ACLY: variants seen among roughly 807,000 people sequenced by gnomAD.
The protein encoded by ACLY is ATP citrate lyase.
In ACLY, 41 loss-of-function variants were observed where a neutral mutation model predicts 133.0. The ratio of observed to expected loss-of-function variants is 0.31; its 90% CI spans 0.24 to 0.40. The LOEUF is 0.40. ACLY is among the 10% of genes least tolerant of loss of function. The pLI is 1.00. For synonymous variants in ACLY, 495 were observed against 549.3 expected, an observed-to-expected ratio of 0.90 and a Z score of 1.38; for missense variants, 1,046 against 1,453.8, an observed-to-expected ratio of 0.72 and a Z score of 4.56.
At position 41,893,214 on chromosome 17, in the gene ACLY, A is replaced by C. The variant is rs543221363; in HGVS notation, c.1460-40T>G. The C allele has an allele frequency of 1.5e-5, 24 of 1,582,814 alleles. No individual in the cohort carries two copies. In the South Asian group the frequency reaches 2.1e-4, roughly 14 times the overall value. On this transcript the variant is annotated intron_variant, in intron 14 of 28. Transcript: ENST00000352035. ...CACAGAGAGTGCACCCAGAACACAT[A>C]CCCCCAGGAGACCTGCAGGGGCCAG...
chr17:41,911,356 C>A (rs1396417013), intron 3 of ACLY, among the ~76,000 whole-genome samples: 3 of 152,206 alleles, frequency 2.0e-5, no homozygotes, highest in Non-Finnish European at 4.4e-5. Context: ...ACATTCTTCC[C>A]AGGCTAGGCC....
At chr17:41,883,028 G>A in intron 20 of ACLY, 94 bp downstream of exon 20, 2 of 1,028,044 alleles carry the variant, frequency 1.9e-6, no homozygotes, top group Non-Finnish European at 1.4e-6. Context: ...GAAGGAACTA[G>A]CTGCGAATTA....
upstream of ACLY, chr17:41,918,981 G>C (rs1306074412): frequency 2.3e-6 from 3 of 1,287,668 alleles, no homozygotes; most frequent in African/African-American, 3.0e-5. Context: ...TCCGGCTTTT[G>C]TCCCGGCCCA....
At chr17:41,877,896 T>C (rs2048804901) in intron 22 of ACLY, among the ~76,000 whole-genome samples, 1 of 152,184 alleles carries the variant, frequency 6.6e-6, no homozygotes, top group Non-Finnish European at 1.5e-5. Flanking sequence ...AGACAGCCTA[T>C]TGTGGTACCT....
chr17:41,888,714 G>A (rs986761177), intron 16 of ACLY, among the ~76,000 whole-genome samples: 2 of 152,084 alleles, frequency 1.3e-5, no homozygotes, highest in Non-Finnish European at 1.5e-5. Flanking sequence ...AGGGAGACCC[G>A]GTAGGAGGAT....
intron 10 of ACLY, 34 bp downstream of exon 10, chr17:41,904,695 T>G (rs952137891): frequency 6.2e-7 from 1 of 1,606,892 alleles, no homozygotes; most frequent in Non-Finnish European, 8.5e-7. Context: ...CAAACCACTT[T>G]CCCCAGAAAC....
At chr17:41,917,898 A>G (rs2050093957) in intron 1 of ACLY, among the ~76,000 whole-genome samples, 1 of 152,152 alleles carries the variant, frequency 6.6e-6, no homozygotes, top group South Asian at 2.1e-4. Flanking sequence ...CCCACATTTT[A>G]GTTCAGCTGA....
At position 41,867,273 on chromosome 17, in the gene ACLY, A is replaced by T. The variant is rs575511093; in HGVS notation, c.*537T>A. The T allele has an allele frequency of 6.5e-6, 1 of 152,732 alleles. No individual in the cohort carries two copies. The highest frequency in any genetic ancestry group is 1.9e-4 in the East Asian group (1 of 5,194). The allele number at this position is 152,732 out of a possible 1,614,324, so 9.5% of individuals were successfully genotyped here. A position where few individuals can be genotyped will look rare whatever the true frequency, so the allele number is the denominator to read the frequency against. On this transcript the variant is annotated 3_prime_UTR_variant, in exon 29 of 29. Transcript: ENST00000352035. ...ACAGAACATTTCAGTGGGATACCAA[A>T]CAAGCCCTTAACACGTAACATACAA...
chr17:41,875,366 G>A lies in ACLY; in HGVS notation c.2488-1401C>T, dbSNP rs1455291323. On this transcript the variant is annotated intron_variant, in intron 22 of 28. Transcript: ENST00000352035. Reference sequence around the variant, plus strand: ...ACTCCGTCTCAAAAAAAAAAAAAAAGGGGGGACGAGATACGTGGCTAAAGA... The same window carrying A: ...ACTCCGTCTCAAAAAAAAAAAAAAAAGGGGGACGAGATACGTGGCTAAAGA... 1.9e-3 allele frequency among the ~76,000 whole-genome samples: 193 copies of A among 103,684 alleles called. 2 individuals carry two copies. Among genetic ancestry groups the A allele is most frequent in the Middle Eastern group, 0.011 (2 of 186 alleles). 68.0% of individuals were successfully genotyped at this position (103,684 alleles called of 152,430 possible).
chr17:41,904,641 C>A, intron 10 of ACLY, 88 bp downstream of exon 10: 2 of 1,330,078 alleles, frequency 1.5e-6, no homozygotes, highest in Non-Finnish European at 2.1e-6. Flanking sequence ...GGTAACTTGG[C>A]TCTGGCTCAA....
intron 1 of ACLY, among the ~76,000 whole-genome samples, chr17:41,925,434 C>CAAA (rs34698648): frequency 4.5e-5 from 5 of 111,030 alleles, no homozygotes; most frequent in African/African-American, 1.0e-4. Context: ...CCTTCTCTAC[C>CAAA]AAAAAAAAAA....
intron 1 of ACLY, among the ~76,000 whole-genome samples, chr17:41,926,120 C>T (rs2050240808): frequency 6.6e-6 from 1 of 152,026 alleles, no homozygotes; most frequent in Non-Finnish European, 1.5e-5. Flanking sequence ...GCTGGGATTA[C>T]AGGAGTGAGC....
At chr17:41,901,938 G>A (rs1437875747) in intron 10 of ACLY, 125 bp from the exon 11 acceptor site, 8 of 728,924 alleles carry the variant, frequency 1.1e-5, no homozygotes, top group South Asian at 1.9e-5. Context: ...ACAGGACTAC[G>A]CATAAGCAGC....
At chr17:41,909,845 C>T in intron 4 of ACLY, 145 bp from the exon 5 acceptor site, 5 of 743,616 alleles carry the variant, frequency 6.7e-6, no homozygotes, top group Non-Finnish European at 1.1e-5. Context: ...CAGTGAAAAC[C>T]ATTCATCCAG....
At chr17:41,892,752 C>G (rs1555629591) in intron 15 of ACLY, among the ~76,000 whole-genome samples, 1 of 151,970 alleles carries the variant, frequency 6.6e-6, no homozygotes, top group African/African-American at 2.4e-5. Flanking sequence ...TTAGAGTTCA[C>G]TGCAGCCTCA....
rs782102933 is a variant in ACLY at position 41,867,749 on chromosome 17, C to T, written c.*61G>A. 3 of 1,389,874 alleles carry T rather than the reference C, an allele frequency of 2.2e-6. No homozygotes were observed. Among genetic ancestry groups the T allele is most frequent in the Non-Finnish European group, 3.0e-6 (3 of 999,690 alleles). 86.1% of individuals were successfully genotyped at this position (1,389,874 alleles called of 1,614,324 possible). A position where few individuals can be genotyped will look rare whatever the true frequency, so the allele number is the denominator to read the frequency against. On this transcript the variant is annotated 3_prime_UTR_variant, in exon 29 of 29. Coordinates refer to ENST00000352035, the MANE Select transcript of ACLY (RefSeq NM_001096.3). ...CAGGCTCCACTGCCAGCTGTCTGTA[C>T]ACTTTTTCTTGGGGGAAGAGATCTT...
intron 22 of ACLY, among the ~76,000 whole-genome samples, chr17:41,874,612 C>T (rs1296648278): frequency 2.5e-4 from 34 of 135,166 alleles, no homozygotes; most frequent in Admixed American, 2.3e-3. Flanking sequence ...CTTGCTCTGT[C>T]GCCCAGGCTG....
chr17:41,929,661 T>A (rs2144472137), intron 1 of ACLY, among the ~76,000 whole-genome samples: 1 of 152,338 alleles, frequency 6.6e-6, no homozygotes, highest in African/African-American at 2.4e-5. Context: ...TTATTTCTTA[T>A]ATTTTGAATT....
At chr17:41,878,029 T>A in intron 22 of ACLY, 74 bp downstream of exon 22, 1 of 1,080,894 alleles carries the variant, frequency 9.3e-7, no homozygotes, top group South Asian at 2.6e-5. Context: ...TCAAGGCAAA[T>A]CAACGCGAAA....
Sources: allele counts gnomAD v4.1 joint callset (sites outside exome capture counted in the v4.1 genomes callset), GRCh38; gene constraint gnomAD v4.1.1; transcripts MANE v1.5; gene names NCBI Gene and HGNC (gene_info 2026-07-23, HGNC 2026-07-21).